The following CCDC171 variants were observed in gnomAD, a reference collection of about 807,000 sequenced individuals.
CCDC171 encodes the protein coiled-coil domain containing 171.
In CCDC171, 177 loss-of-function variants were observed where a neutral mutation model predicts 168.2. The observed-to-expected ratio is 1.05, with a 90% CI of 0.93 to 1.19. The LOEUF (loss-of-function observed/expected upper bound fraction) is 1.19, where lower values mean the gene tolerates loss of function less well. Ranked by LOEUF, CCDC171 falls within the 50% of genes most tolerant of loss-of-function variation. The pLI is 0.00. For missense variants in CCDC171, 1,991 were observed against 1,539.0 expected (o/e 1.29, Z -4.91); for synonymous variants, 687 against 540.8 (o/e 1.27, Z -3.75).
chr9:15,570,386 T>C lies in CCDC171; in HGVS notation c.42-1238T>C, dbSNP rs1587032061. 6.0e-5 allele frequency among the ~76,000 whole-genome samples: 9 copies of C among 149,726 alleles called. No individual in the cohort carries two copies. The South Asian group carries it at 1.7e-3, about 28-fold the overall frequency. ...TATTTTTTTTAGTAGACAATGTTAG[T>C]TTTTTTTTTCCCCTCTTCTAAGTTG... On this transcript the variant is annotated intron_variant, in intron 2 of 25. Coordinates refer to ENST00000380701, the MANE Select transcript of CCDC171 (RefSeq NM_173550.4).
intron 6 of CCDC171, among the ~76,000 whole-genome samples, chr9:15,597,066 A>G (rs1190255419): frequency 6.6e-6 from 1 of 152,108 alleles, no homozygotes; most frequent in Non-Finnish European, 1.5e-5. Flanking sequence ...GGGGTTTTCT[A>G]GTTATACAAT....
chr9:15,579,327 T>C (rs1468403401), intron 4 of CCDC171, among the ~76,000 whole-genome samples: 1 of 152,260 alleles, frequency 6.6e-6, no homozygotes, highest in Non-Finnish European at 1.5e-5. Flanking sequence ...AAGGGATTTT[T>C]GTTTGTCTTA....
downstream of CCDC171, among the ~76,000 whole-genome samples, chr9:15,977,603 TTTAA>T (rs1325754567): frequency 1.3e-5 from 2 of 152,180 alleles, no homozygotes; most frequent in African/African-American, 4.8e-5. Context: ...TTTTTTGTGG[TTTAA>T]TTGAGTCATG....
chr9:15,642,779 C>T (rs1369443006), intron 7 of CCDC171, among the ~76,000 whole-genome samples: 1 of 151,924 alleles, frequency 6.6e-6, no homozygotes, highest in East Asian at 1.9e-4. Flanking sequence ...ACATGATCTC[C>T]AGTTTATTAT....
At chr9:15,626,174 A>T (rs2045083758) in intron 7 of CCDC171, among the ~76,000 whole-genome samples, 1 of 152,196 alleles carries the variant, frequency 6.6e-6, no homozygotes, top group African/African-American at 2.4e-5. Flanking sequence ...TTGTATCCTG[A>T]GACTTTGCTG....
At chr9:15,673,630 GT>G (rs2049293520) in intron 9 of CCDC171, among the ~76,000 whole-genome samples, 1 of 152,168 alleles carries the variant, frequency 6.6e-6, no homozygotes, top group African/African-American at 2.4e-5. Context: ...TGTTGGTTCT[GT>G]TTATGTGATG....
Position 15,608,966 on chromosome 9 carries a change from A to T in CCDC171, c.676-14301A>T, listed in dbSNP as rs905582937. 4.8e-4 allele frequency among the ~76,000 whole-genome samples: 72 copies of T among 149,190 alleles called. 1 individual carries two copies. Among genetic ancestry groups the T allele is most frequent in the African/African-American group, 1.6e-3 (65 of 40,638 alleles). On this transcript the variant is annotated intron_variant, in intron 6 of 25. Transcript: ENST00000380701. ...TCTCAAAAAAAAAAAAAAAAAAAAA[A>T]AAAAAAGAGTGGTTTTTTTTTAAAA...
chr9:15,667,212 G>T lies in CCDC171; in HGVS notation c.1076+889G>T, dbSNP rs556308451. Among the ~76,000 whole-genome samples the T allele has an allele frequency of 1.2e-4, 18 of 152,206 alleles. No homozygotes were observed. In the East Asian group the frequency reaches 3.1e-3, roughly 26 times the overall value. On this transcript the variant is annotated intron_variant, in intron 9 of 25. Coordinates refer to ENST00000380701, the MANE Select transcript of CCDC171 (RefSeq NM_173550.4). ...ACATTTTAAACCATTTCCCCCCCCA[G>T]AGGGTGAAATTCATACTACCATTAG...
intron 25 of CCDC171, among the ~76,000 whole-genome samples, chr9:15,945,957 T>TG (rs1828315193): frequency 6.6e-6 from 1 of 151,248 alleles, no homozygotes; most frequent in South Asian, 2.1e-4. Context: ...TCCTTGCCCA[T>TG]GCCTATGTCC....
chr9:15,595,010 C>T (rs2042239260), intron 6 of CCDC171, among the ~76,000 whole-genome samples: 1 of 152,058 alleles, frequency 6.6e-6, no homozygotes, highest in African/African-American at 2.4e-5. Flanking sequence ...AATAACCTTT[C>T]TATAGATGTC....
At chr9:15,713,230 C>G (rs936093598) in intron 11 of CCDC171, among the ~76,000 whole-genome samples, 1 of 152,162 alleles carries the variant, frequency 6.6e-6, no homozygotes, top group Admixed American at 6.5e-5. Flanking sequence ...CCGAGCCAGC[C>G]TTGAGTGGGG....
intron 21 of CCDC171, among the ~76,000 whole-genome samples, chr9:15,826,323 A>T (rs1418112533): frequency 8.4e-6 from 1 of 118,816 alleles, no homozygotes; most frequent in Non-Finnish European, 1.8e-5. Context: ...GTTTTTGTTG[A>T]TCCTTTTTTT....
In CCDC171 at chr9:15,935,447, T is replaced by C. The variant is rs1012727173; in HGVS notation, c.3753+15025T>C. ...CCCTGTCAGCTTTAAAATTCTTCAATTGAAGTTACAAATACTGATTTTGAA... is the reference window on the plus strand; with the variant it reads ...CCCTGTCAGCTTTAAAATTCTTCAACTGAAGTTACAAATACTGATTTTGAA... On this transcript the variant is annotated intron_variant, in intron 25 of 25. Transcript: ENST00000380701. Among the ~76,000 whole-genome samples, 5 of 152,212 alleles carry C rather than the reference T, an allele frequency of 3.3e-5. No homozygotes were observed. In the Middle Eastern group the frequency reaches 0.01, roughly 311 times the overall value.
chr9:15,875,081 T>TA (rs1358108673), intron 24 of CCDC171: 1 of 152,270 alleles, frequency 6.6e-6, no homozygotes, highest in Admixed American at 6.6e-5. Context: ...TCAAAAGAGA[T>TA]ACCTGAAATA....
chr9:15,798,876 T>C (rs1179886018), intron 21 of CCDC171, among the ~76,000 whole-genome samples: 6 of 152,082 alleles, frequency 3.9e-5, no homozygotes, highest in African/African-American at 1.4e-4. Context: ...TAGGGGCTGC[T>C]GTAGTGTTTA....
At chr9:15,560,223 GT>G (rs1289957767) in intron 1 of CCDC171, among the ~76,000 whole-genome samples, 1 of 151,888 alleles carries the variant, frequency 6.6e-6, no homozygotes, top group Non-Finnish European at 1.5e-5. Context: ...TGCTCTTCTT[GT>G]GGAGTATCTT....
chr9:15,571,551 C>A, intron 2 of CCDC171, 73 bp from the exon 3 acceptor site: 1 of 1,255,402 alleles, frequency 8.0e-7, no homozygotes, highest in South Asian at 1.6e-5. Context: ...AATAAGTTAT[C>A]AAAAATATCA....
chr9:15,915,894 G>C (rs1282039808), intron 24 of CCDC171, among the ~76,000 whole-genome samples: 1 of 151,986 alleles, frequency 6.6e-6, no homozygotes, highest in Non-Finnish European at 1.5e-5. Flanking sequence ...CCTTAATTCT[G>C]TTTATGTGAT....
chr9:15,562,080 C>T (rs1397810602), intron 1 of CCDC171, among the ~76,000 whole-genome samples: 1 of 152,022 alleles, frequency 6.6e-6, no homozygotes, highest in Non-Finnish European at 1.5e-5. Flanking sequence ...CTGCAGTCTC[C>T]ACCTCCTGGG....
Sources: gnomAD v4.1 joint callset for allele counts (sites outside exome capture counted in the v4.1 genomes callset) on GRCh38, gnomAD v4.1.1 for gene constraint, MANE v1.5 for transcripts, NCBI Gene and HGNC (gene_info 2026-07-23, HGNC 2026-07-21) for gene names.